Variants in FGF1 observed in about 807,000 individuals in gnomAD.
FGF1 encodes fibroblast growth factor 1.
A neutral mutation model predicts 13.4 loss-of-function variants in FGF1; 9 were observed. The observed-to-expected ratio is 0.67, with a 90% CI of 0.40 to 1.17. The LOEUF (loss-of-function observed/expected upper bound fraction) is 1.17. Ranked by LOEUF, FGF1 falls within the 50% of genes most tolerant of loss-of-function variation. FGF1 has a pLI of 0.01. For missense variants in FGF1, 156 were observed against 192.7 expected (o/e 0.81, Z 1.13); for synonymous variants, 93 against 79.0 (o/e 1.18, Z -0.94).
intron 1 of FGF1, among the ~76,000 whole-genome samples, chr5:142,637,324 GT>G (rs34766539): frequency 0.68 from 96,003 of 141,470 alleles, 32,233 homozygotes; most frequent in African/African-American, 0.71. Context: ...CGGCGTTTTT[GT>G]TTTTTTTTTT....
intron 1 of FGF1, among the ~76,000 whole-genome samples, chr5:142,670,082 C>T (rs372974734): frequency 1.5e-4 from 23 of 152,176 alleles, no homozygotes; most frequent in East Asian, 7.7e-4. Flanking sequence ...TTGCTGTTCC[C>T]GTCACTTCTG....
Position 142,600,776 on chromosome 5 carries a change from C to T in FGF1, c.199G>A (p.Gly67Arg). ...IQLQLSAESV[G>R]EVYIKSTETG... Reference sequence around the variant, plus strand: ...TCGGTACTCTTTATATACACCTCCCCCACGCTTTCCGCACTGAGCTGCAGC... The same window carrying T: ...TCGGTACTCTTTATATACACCTCCCTCACGCTTTCCGCACTGAGCTGCAGC... Residue 67 changes from glycine (G) to arginine (R), a missense_variant, in exon 3 of 4, where the codon GGG becomes AGG. By Grantham distance (125) the Gly-to-Arg change is moderately radical. Transcript: ENST00000337706. The T allele has an allele frequency of 1.2e-6, 2 of 1,613,658 alleles. No homozygotes were observed. The highest frequency in any genetic ancestry group is 1.7e-5 in the Admixed American group (1 of 59,980).
At chr5:142,644,500 A>G (rs1287269657) in intron 1 of FGF1, among the ~76,000 whole-genome samples, 1 of 151,422 alleles carries the variant, frequency 6.6e-6, no homozygotes, top group Non-Finnish European at 1.5e-5. Flanking sequence ...GGGCCACCAC[A>G]CCTTCCCAGT....
intron 1 of FGF1, among the ~76,000 whole-genome samples, chr5:142,625,339 C>T (rs1482607029): frequency 6.6e-6 from 1 of 151,916 alleles, no homozygotes; most frequent in Non-Finnish European, 1.5e-5. Flanking sequence ...CACACACACA[C>T]ACACACACAC....
upstream of FGF1, among the ~76,000 whole-genome samples, chr5:142,690,956 C>T (rs1050361164): frequency 1.8e-4 from 28 of 152,290 alleles, no homozygotes; most frequent in African/African-American, 6.5e-4. Context: ...TTATTTTCTG[C>T]CTCTAGGTTA....
intron 1 of FGF1, among the ~76,000 whole-genome samples, chr5:142,677,902 C>T (rs553905120): frequency 4.7e-4 from 72 of 151,780 alleles, no homozygotes; most frequent in Non-Finnish European, 9.0e-4. Flanking sequence ...TTGAGGTAAG[C>T]GGCATGAAGG....
chr5:142,679,175 C>T (rs1461158693), intron 1 of FGF1, among the ~76,000 whole-genome samples: 3 of 152,166 alleles, frequency 2.0e-5, no homozygotes, highest in Non-Finnish European at 4.4e-5. Flanking sequence ...AGTCTGACCC[C>T]GCCTGCTTCT....
chr5:142,623,048 A>G (rs1376051105), intron 1 of FGF1, among the ~76,000 whole-genome samples: 1 of 152,256 alleles, frequency 6.6e-6, no homozygotes, highest in Non-Finnish European at 1.5e-5. Flanking sequence ...CTTGAAATCA[A>G]CCCTGGTGAG....
chr5:142,595,537 G>A (rs1755080805), intron 3 of FGF1, 53 bp from the exon 4 acceptor site: 3 of 1,495,784 alleles, frequency 2.0e-6, no homozygotes. Flanking sequence ...AGTTTCACAT[G>A]GGGGTCCCCA....
intron 1 of FGF1, among the ~76,000 whole-genome samples, chr5:142,633,184 A>G (rs1035159927): frequency 5.9e-5 from 9 of 152,120 alleles, no homozygotes; most frequent in Non-Finnish European, 1.0e-4. Context: ...CTCCCAAAGT[A>G]CTGGGATAGG....
chr5:142,619,003 C>T (rs572305909), intron 1 of FGF1, among the ~76,000 whole-genome samples: 15 of 137,262 alleles, frequency 1.1e-4, no homozygotes, highest in Admixed American at 3.3e-4. Context: ...GGCACAATCT[C>T]GGCTCACTGC....
intron 3 of FGF1, among the ~76,000 whole-genome samples, chr5:142,599,273 G>A (rs1049533927): frequency 1.1e-4 from 17 of 152,146 alleles, no homozygotes; most frequent in African/African-American, 2.7e-4. Context: ...CCTTAAAGCC[G>A]TCCCAGGTGA....
At chr5:142,694,402 C>T (rs1364481638) in intron 2 of FGF1, among the ~76,000 whole-genome samples, 1 of 152,156 alleles carries the variant, frequency 6.6e-6, no homozygotes, top group Admixed American at 6.5e-5. Flanking sequence ...AGGATCTGCT[C>T]TTTCCAAGAT....
chr5:142,618,959 G>A, intron 1 of FGF1, among the ~76,000 whole-genome samples: 1 of 120,910 alleles, frequency 8.3e-6, no homozygotes, highest in South Asian at 2.6e-4. Context: ...TTTTGAGACG[G>A]AGTCCCGCTC....
intron 1 of FGF1, among the ~76,000 whole-genome samples, chr5:142,657,801 G>A (rs1768445194): frequency 6.6e-6 from 1 of 152,164 alleles, no homozygotes; most frequent in South Asian, 2.1e-4. Context: ...CAATAATAAC[G>A]CTGGTGTCTG....
At chr5:142,618,146 G>T (rs1760645444) in intron 1 of FGF1, among the ~76,000 whole-genome samples, 1 of 152,190 alleles carries the variant, frequency 6.6e-6, no homozygotes, top group Admixed American at 6.5e-5. Context: ...ACGAAGCCTA[G>T]CCCTTTGAGA....
At chr5:142,656,371 G>A (rs115762794) in intron 1 of FGF1, among the ~76,000 whole-genome samples, 3,161 of 152,236 alleles carry the variant, frequency 0.021, 108 homozygotes, top group African/African-American at 0.072. Context: ...ATTCAGTTGG[G>A]ATACTTTAAA....
intron 1 of FGF1, among the ~76,000 whole-genome samples, chr5:142,654,304 A>G (rs1767775773): frequency 6.6e-6 from 1 of 152,338 alleles, no homozygotes. Context: ...AGGGCACATG[A>G]AATTTGGGGA....
At chr5:142,691,460 TAAAATA>T (rs1752218797) in intron 2 of FGF1, among the ~76,000 whole-genome samples, 1 of 120,584 alleles carries the variant, frequency 8.3e-6, no homozygotes, top group Admixed American at 8.3e-5. Context: ...TAAAATAAAA[TAAAATA>T]AAATAAAATA....
Sources: gnomAD v4.1 joint callset for allele counts (sites outside exome capture counted in the v4.1 genomes callset) on GRCh38, gnomAD v4.1.1 for gene constraint, MANE v1.5 for transcripts, NCBI Gene and HGNC (gene_info 2026-07-23, HGNC 2026-07-21) for gene names.